The following ASPH variants were observed in gnomAD, a reference collection of about 807,000 sequenced individuals.
The protein encoded by ASPH is aspartyl/asparaginyl beta-hydroxylase.
In ASPH, 100 loss-of-function variants were observed where a neutral mutation model predicts 118.4. The observed-to-expected ratio is 0.84, with a 90% CI of 0.72 to 1.00. The LOEUF (loss-of-function observed/expected upper bound fraction) is 1.00. Among genes scored for constraint, ASPH ranks in the 50% least tolerant of loss-of-function variants. The probability of loss-of-function intolerance (pLI) is 0.00; values close to 1 mark genes in which losing one functional copy is unlikely to be tolerated. For synonymous variants in ASPH, 315 were observed against 325.6 expected (o/e 0.97, Z 0.35); for missense variants, 920 against 919.5 (o/e 1.00, Z -0.01).
intron 16 of ASPH, 24 bp from the exon 17 acceptor site, chr8:61,567,342 T>G (rs1832044525): frequency 1.2e-6 from 2 of 1,600,952 alleles, no homozygotes; most frequent in Non-Finnish European, 1.7e-6. Context: ...CCAGACTGGA[T>G]AAATGTCCCA....
chr8:61,556,996 T>C (rs371683728), intron 18 of ASPH, among the ~76,000 whole-genome samples: 1 of 152,220 alleles, frequency 6.6e-6, no homozygotes, highest in East Asian at 1.9e-4. Context: ...CATCTTGTCC[T>C]GAACCTCATC....
intron 13 of ASPH, among the ~76,000 whole-genome samples, chr8:61,629,958 T>C (rs1854804120): frequency 6.6e-6 from 1 of 152,146 alleles, no homozygotes; most frequent in Non-Finnish European, 1.5e-5. Context: ...TTCTCATCTG[T>C]AAAATGGAGG....
chr8:61,577,003 A>G, intron 15 of ASPH, 145 bp from the exon 16 acceptor site: 2 of 647,652 alleles, frequency 3.1e-6, no homozygotes, highest in East Asian at 2.9e-5. Flanking sequence ...AAGATTTTAA[A>G]AAAAGCTATA....
intron 13 of ASPH, among the ~76,000 whole-genome samples, chr8:61,622,521 A>G (rs977010323): frequency 2.0e-5 from 3 of 152,208 alleles, no homozygotes; most frequent in Admixed American, 6.5e-5. Flanking sequence ...CTGCACCAGG[A>G]CATGAGACTG....
chr8:61,697,245 G>A (rs1834130282), intron 1 of ASPH, among the ~76,000 whole-genome samples: 1 of 152,150 alleles, frequency 6.6e-6, no homozygotes, highest in African/African-American at 2.4e-5. Flanking sequence ...AATACATCTT[G>A]GGGATATTAT....
At chr8:61,539,584 GT>G (rs1237257886) in intron 21 of ASPH, among the ~76,000 whole-genome samples, 1 of 152,008 alleles carries the variant, frequency 6.6e-6, no homozygotes, top group African/African-American at 2.4e-5. Flanking sequence ...AGTTTCAGGT[GT>G]TTTCTATCTA....
At chr8:61,600,410 C>T (rs2133405634) in intron 14 of ASPH, among the ~76,000 whole-genome samples, 1 of 148,988 alleles carries the variant, frequency 6.7e-6, no homozygotes, top group East Asian at 1.9e-4. Context: ...AAATAAAAGT[C>T]ACCCAAATTG....
At position 61,638,364 on chromosome 8, in the gene ASPH, C is replaced by CAA; in HGVS notation, c.791-2_791-1insTT. 3 of 1,513,906 alleles carry CAA rather than the reference C, an allele frequency of 2.0e-6. No individual in the cohort carries two copies. The highest frequency in any genetic ancestry group is 2.4e-5 in the East Asian group (1 of 42,324). 93.8% of individuals were successfully genotyped at this position (1,513,906 alleles called of 1,614,324 possible). The stretch of plus-strand genomic sequence containing the variant: ...TCATTTTCTAGAGGTTCATATACTG[C>CAA]TAAAAAAAAAAAAACAGAAACAAAA... On this transcript the variant is annotated splice_acceptor_variant, in intron 10 of 24. Transcript: ENST00000379454. LOFTEE classifies it high-confidence loss of function.
At chr8:61,529,464 A>G (rs1816744555) in intron 21 of ASPH, among the ~76,000 whole-genome samples, 1 of 152,174 alleles carries the variant, frequency 6.6e-6, no homozygotes, top group African/African-American at 2.4e-5. Context: ...CACCAGTTAA[A>G]CCTGATGACA....
chr8:61,651,156 A>G, intron 4 of ASPH, 32 bp from the exon 5 acceptor site: 1 of 1,579,244 alleles, frequency 6.3e-7, no homozygotes, highest in Non-Finnish European at 8.7e-7. Flanking sequence ...GCTAAGTAGA[A>G]AAGCTCAAAC....
rs199637738 is a variant in ASPH, at chr8:61,638,366, A to G, written c.791-3T>C. ...ATTTTCTAGAGGTTCATATACTGCT[A>G]AAAAAAAAAAAACAGAAACAAAATC... On this transcript the variant is annotated splice_region_variant and splice_polypyrimidine_tract_variant and intron_variant, in intron 10 of 24. Coordinates refer to ENST00000379454, the MANE Select transcript of ASPH (RefSeq NM_004318.4). 21,182 of 859,230 alleles carry G rather than the reference A, an allele frequency of 0.025. 48 individuals carry two copies. Among genetic ancestry groups the G allele is most frequent in the Non-Finnish European group, 0.03 (18,592 of 624,294 alleles). 53.2% of individuals were successfully genotyped at this position (859,230 alleles called of 1,614,324 possible).
At chr8:61,678,108 T>A (rs906154427) in intron 3 of ASPH, among the ~76,000 whole-genome samples, 1 of 152,104 alleles carries the variant, frequency 6.6e-6, no homozygotes, top group African/African-American at 2.4e-5. Flanking sequence ...TCTATCAGTC[T>A]ACAAATGATT....
At chr8:61,632,693 C>T (rs778759771) in intron 13 of ASPH, 1 of 487,156 alleles carries the variant, frequency 2.1e-6, no homozygotes, top group Non-Finnish European at 4.1e-6. Context: ...TATTAATGTA[C>T]ATGGCAGGAC....
rs746939310 is a variant in ASPH at position 61,562,750 on chromosome 8, A to G, written c.1431T>C (p.Tyr477=). 6.2e-7 allele frequency: 1 copy of G among 1,606,948 alleles called. No homozygotes were observed. Among genetic ancestry groups the G allele is most frequent in the South Asian group, 1.1e-5 (1 of 89,338 alleles). ...ATACAAGATTGATGCTTACCTCTTC[A>G]TAAACTTTCTTTGCATTGTCATTAT... ...IGDNDNAKKV[Y]EEVLSVTPND... is the part of the protein sequence containing the mutation. The change falls in exon 18 of 25, where the codon TAT becomes TAC. Residue 477 remains tyrosine, a synonymous_variant. Coordinates refer to ENST00000379454, the MANE Select transcript of ASPH (RefSeq NM_004318.4).
intron 13 of ASPH, among the ~76,000 whole-genome samples, chr8:61,629,801 G>T (rs1854717605): frequency 6.6e-6 from 1 of 152,168 alleles, no homozygotes; most frequent in African/African-American, 2.4e-5. Flanking sequence ...TCTCTCAGCT[G>T]TCACGTCTTC....
At chr8:61,665,024 G>T (rs1241809174) in intron 3 of ASPH, 13 of 1,260,786 alleles carry the variant, frequency 1.0e-5, no homozygotes, top group African/African-American at 1.5e-5. Context: ...TCAATAAATA[G>T]AAGTTATTAC....
chr8:61,593,776 C>T (rs1841831191), intron 14 of ASPH, among the ~76,000 whole-genome samples: 1 of 152,134 alleles, frequency 6.6e-6, no homozygotes, highest in Admixed American at 6.5e-5. Context: ...CTAGACATAA[C>T]AGAAAACCCT....
intron 15 of ASPH, 80 bp downstream of exon 15, chr8:61,583,862 ATT>A (rs35353831): frequency 1.3e-3 from 1,051 of 826,110 alleles, no homozygotes; most frequent in East Asian, 7.9e-3. Context: ...TACACTTACT[ATT>A]TTTTTTTTTT....
At chr8:61,511,882 G>GT (rs1412993644) in intron 24 of ASPH, among the ~76,000 whole-genome samples, 3 of 152,240 alleles carry the variant, frequency 2.0e-5, no homozygotes, top group African/African-American at 7.2e-5. Flanking sequence ...GGGATTACAG[G>GT]TGTGAGCCAC....
Sources: gnomAD v4.1 joint callset for allele counts (sites outside exome capture counted in the v4.1 genomes callset) on GRCh38, gnomAD v4.1.1 for gene constraint, MANE v1.5 for transcripts, NCBI Gene and HGNC (gene_info 2026-07-23, HGNC 2026-07-21) for gene names.